CELF2: variants seen among roughly 807,000 people sequenced by gnomAD.
CELF2 encodes the protein CUG triplet repeat RNA-binding protein 2.
CELF2 carries 8 observed loss-of-function variants against 62.6 expected under a neutral mutation model. That is an observed-to-expected ratio of 0.13 (90% CI 0.07 to 0.23). The LOEUF (loss-of-function observed/expected upper bound fraction) is 0.23, where lower values mean the gene tolerates loss of function less well. Among genes scored for constraint, CELF2 ranks in the 10% least tolerant of loss-of-function variants. The pLI is 1.00. For synonymous variants in CELF2, 258 were observed against 250.0 expected, an observed-to-expected ratio of 1.03 and a Z score of -0.30; for missense variants, 333 against 671.0, an observed-to-expected ratio of 0.50 and a Z score of 5.56.
At chr10:10,975,085 G>A (rs2051175384) in intron 2 of CELF2, among the ~76,000 whole-genome samples, 1 of 152,164 alleles carries the variant, frequency 6.6e-6, no homozygotes, top group Non-Finnish European at 1.5e-5. Context: ...GTCAAATGCT[G>A]TCTCTCACTT....
the CELF2 span, among the ~76,000 whole-genome samples, chr10:10,477,647 C>G: frequency 1.1e-3 from 169 of 151,668 alleles, no homozygotes; most frequent in Non-Finnish European, 1.9e-3. Flanking sequence ...ATTAAGAGCT[C>G]GACAGACTGT....
the CELF2 span, among the ~76,000 whole-genome samples, chr10:10,541,220 G>A: frequency 7.3e-6 from 1 of 137,756 alleles, no homozygotes; most frequent in African/African-American, 2.8e-5. Flanking sequence ...TCCAGGCTGG[G>A]CGACAGAATG....
At position 11,010,008 on chromosome 10, in the gene CELF2, C is replaced by A. The variant is rs749904258; in HGVS notation, c.53+4568C>A. Among the ~76,000 whole-genome samples, 2 of 152,186 alleles carry A rather than the reference C, an allele frequency of 1.3e-5. No individual in the cohort carries two copies. Among genetic ancestry groups the A allele is most frequent in the East Asian group, 1.9e-4 (1 of 5,196 alleles). On this transcript the variant is annotated intron_variant, in intron 1 of 12. Transcript: ENST00000416382. The surrounding 1 kb of genome is among the most constrained non-coding windows in gnomAD (Gnocchi z 4.1). ...GCCTGGGCACAGTTGTGCCTTTATG[C>A]GGAAATTGATGAGTTGCTTTTCATC... is the stretch of plus-strand genomic sequence containing the variant.
At chr10:11,105,171 A>G (rs1241497079) in intron 1 of CELF2, among the ~76,000 whole-genome samples, 3 of 152,354 alleles carry the variant, frequency 2.0e-5, no homozygotes, top group African/African-American at 4.8e-5. Flanking sequence ...TCACTAAACG[A>G]AAAACAAATA....
chr10:11,114,112 T>C (rs2055952236), intron 1 of CELF2, among the ~76,000 whole-genome samples: 1 of 152,222 alleles, frequency 6.6e-6, no homozygotes, highest in Non-Finnish European at 1.5e-5. Context: ...CTCCCTCTGC[T>C]TACTTTTTTA....
At position 11,217,783 on chromosome 10, in the gene CELF2, T is replaced by G. The variant is rs2063720089; in HGVS notation, c.354+276T>G. Among the ~76,000 whole-genome samples, 1 of 152,094 alleles carries G rather than the reference T, an allele frequency of 6.6e-6. No homozygotes were observed. Among genetic ancestry groups the G allele is most frequent in the Non-Finnish European group, 1.5e-5 (1 of 68,022 alleles). ...GGCAGCCACGGCTGCCAAAGAGTAT[T>G]GGGTGGGCTAAGATTTTAAAAGGAA... On this transcript the variant is annotated intron_variant, in intron 3 of 12. Transcript: ENST00000633077. The surrounding 1 kb of genome is among the most constrained non-coding windows in gnomAD (Gnocchi z 5.6).
chr10:11,114,345 A>G (rs933836474), intron 1 of CELF2, among the ~76,000 whole-genome samples: 3 of 152,244 alleles, frequency 2.0e-5, no homozygotes, highest in African/African-American at 7.2e-5. Context: ...ATGCCAGTAC[A>G]CAACAAATGT....
the CELF2 span, among the ~76,000 whole-genome samples, chr10:10,765,942 C>A: frequency 2.0e-3 from 308 of 152,266 alleles, 2 homozygotes; most frequent in African/African-American, 6.9e-3. Context: ...GCACACTGGG[C>A]CAGACACAAG....
the CELF2 span, among the ~76,000 whole-genome samples, chr10:10,634,311 G>T: frequency 2.0e-5 from 3 of 151,732 alleles, no homozygotes; most frequent in South Asian, 6.2e-4. Flanking sequence ...CTAAATTGGG[G>T]GTATGCCTAG....
At chr10:10,694,877 C>T in the CELF2 span, among the ~76,000 whole-genome samples, 1 of 150,756 alleles carries the variant, frequency 6.6e-6, no homozygotes, top group South Asian at 2.1e-4. Context: ...AGATCTTCCT[C>T]CATCCTTTTA....
chr10:10,687,866 A>G, the CELF2 span, among the ~76,000 whole-genome samples: 1 of 152,252 alleles, frequency 6.6e-6, no homozygotes, highest in Non-Finnish European at 1.5e-5. Flanking sequence ...AATGATCAGA[A>G]CAGCCAGAAT....
chr10:10,988,105 A>G (rs2052993778), intron 2 of CELF2, among the ~76,000 whole-genome samples: 1 of 152,068 alleles, frequency 6.6e-6, no homozygotes, highest in Non-Finnish European at 1.5e-5. Flanking sequence ...ATCCCAGAGG[A>G]AAGGAAGTCA....
chr10:10,731,153 T>C, the CELF2 span, among the ~76,000 whole-genome samples: 1 of 152,126 alleles, frequency 6.6e-6, no homozygotes, highest in African/African-American at 2.4e-5. Context: ...CATTAAATAT[T>C]GCAGTAGTCC....
chr10:11,187,619 C>G (rs951502287), intron 2 of CELF2, among the ~76,000 whole-genome samples: 10 of 151,358 alleles, frequency 6.6e-5, no homozygotes, highest in African/African-American at 2.4e-4. Flanking sequence ...CTTATTACTT[C>G]AAATTACTTT....
chr10:11,303,032 C>T (rs2093913317), intron 9 of CELF2, among the ~76,000 whole-genome samples: 1 of 152,234 alleles, frequency 6.6e-6, no homozygotes, highest in African/African-American at 2.4e-5. Flanking sequence ...TCGGAGGCAT[C>T]TGCTTTCTCA....
intron 1 of CELF2, among the ~76,000 whole-genome samples, chr10:10,874,304 G>A (rs1260172091): frequency 6.6e-6 from 1 of 152,128 alleles, no homozygotes; most frequent in African/African-American, 2.4e-5. Flanking sequence ...AGTGACTTGA[G>A]TAGTGACAAA....
the CELF2 span, among the ~76,000 whole-genome samples, chr10:10,718,262 C>G: frequency 7.2e-5 from 11 of 152,012 alleles, no homozygotes; most frequent in African/African-American, 2.7e-4. Context: ...GAATTTGAAC[C>G]AAAAACGCTT....
the CELF2 span, among the ~76,000 whole-genome samples, chr10:10,529,046 A>G: frequency 6.6e-6 from 1 of 152,220 alleles, no homozygotes; most frequent in Non-Finnish European, 1.5e-5. Flanking sequence ...AATAAGCTAG[A>G]TATACAATAG....
rs2065660662 is a variant in CELF2, at chr10:10,927,655, T to C, written c.89+7656T>C. Reference sequence around the variant, plus strand: ...TGTTACCCAAGCTGGTCTCAAACTCTGGGCCTCAAGCACCTCTCCCACCTT... The same window carrying C: ...TGTTACCCAAGCTGGTCTCAAACTCCGGGCCTCAAGCACCTCTCCCACCTT... On this transcript the variant is annotated intron_variant, in intron 2 of 13. Transcript: ENST00000636488. Among the ~76,000 whole-genome samples, 3 of 152,096 alleles carry C rather than the reference T, an allele frequency of 2.0e-5. No individual in the cohort carries two copies. The South Asian group carries it at 6.2e-4, about 31-fold the overall frequency.
Sources: gnomAD v4.1 joint callset for allele counts (sites outside exome capture counted in the v4.1 genomes callset) on GRCh38, gnomAD v4.1.1 for gene constraint, Gnocchi (gnomAD v3.1) non-coding constraint, MANE v1.5 for transcripts, NCBI Gene and HGNC (gene_info 2026-07-23, HGNC 2026-07-21) for gene names.